PTPRG: variants seen among roughly 807,000 people sequenced by gnomAD.
PTPRG encodes the protein protein tyrosine phosphatase receptor type G.
In PTPRG, 102 loss-of-function variants were observed where a neutral mutation model predicts 165.3. The ratio of observed to expected loss-of-function variants is 0.62; its 90% CI spans 0.53 to 0.73. The LOEUF (loss-of-function observed/expected upper bound fraction) is 0.73. Among genes scored for constraint, PTPRG ranks in the 30% least tolerant of loss-of-function variants. The pLI, the probability that PTPRG is intolerant of heterozygous loss-of-function variation, is 0.00. For synonymous variants in PTPRG, 675 were observed against 669.5 expected (o/e 1.01, Z -0.13); for missense variants, 1,866 against 1,861.4 (o/e 1.00, Z -0.05).
At chr3:62,080,371 C>G (rs887515318) in intron 5 of PTPRG, among the ~76,000 whole-genome samples, 2 of 152,086 alleles carry the variant, frequency 1.3e-5, no homozygotes, top group African/African-American at 4.8e-5. Flanking sequence ...CCACTGCGCC[C>G]AGCCCCCTTC....
chr3:61,753,163 T>A (rs2033509661), intron 2 of PTPRG, among the ~76,000 whole-genome samples: 1 of 152,192 alleles, frequency 6.6e-6, no homozygotes, highest in South Asian at 2.1e-4. Context: ...AATATCTGAT[T>A]TTGACATGAA....
rs188690472 is a variant in PTPRG, at chr3:61,664,787, C to T, written c.86-84091C>T. On this transcript the variant is annotated intron_variant, in intron 1 of 29. Transcript: ENST00000474889. ...CGGAGGTTGCGGTGAGCCGAGATCG[C>T]GCCATTGCACTCCAGCCTGGGCGAC... Among the ~76,000 whole-genome samples, 142 of 152,146 alleles carry T rather than the reference C, an allele frequency of 9.3e-4. 1 individual carries two copies. The highest frequency in any genetic ancestry group is 3.4e-3 in the Middle Eastern group (1 of 294).
rs903253712 is a variant in PTPRG at position 61,774,869 on chromosome 3, C to T, written c.190+25887C>T. On this transcript the variant is annotated intron_variant, in intron 2 of 29. Transcript: ENST00000474889. Reference sequence around the variant, plus strand: ...AAGATGGGAATGGACGACTGAGTGACCCAGAGATTGGACTGTGTTTGACCT... The same window carrying T: ...AAGATGGGAATGGACGACTGAGTGATCCAGAGATTGGACTGTGTTTGACCT... Among the ~76,000 whole-genome samples, 5 of 152,226 alleles carry T rather than the reference C, an allele frequency of 3.3e-5. No homozygotes were observed. The East Asian group carries it at 7.7e-4, about 24-fold the overall frequency.
rs149041037 is a variant in PTPRG, at chr3:61,840,782, G to GTTTTTT, written c.190+91814_190+91819dup. Among the ~76,000 whole-genome samples, 197 of 120,084 alleles carry GTTTTTT rather than the reference G, an allele frequency of 1.6e-3. 2 individuals carry two copies. Among genetic ancestry groups the GTTTTTT allele is most frequent in the South Asian group, 3.3e-3 (11 of 3,364 alleles). 78.8% of individuals were successfully genotyped at this position (120,084 alleles called of 152,430 possible). A position where few individuals can be genotyped will look rare whatever the true frequency, so the allele number is the denominator to read the frequency against. On this transcript the variant is annotated intron_variant, in intron 2 of 29. Transcript: ENST00000474889. ...CAGATGGAGTTTTTTTTGTTTGTTTGTTTTTTTTTTTTTTTTTTTGAGATG... is the reference window on the plus strand; with the variant it reads ...CAGATGGAGTTTTTTTTGTTTGTTTGTTTTTTTTTTTTTTTTTTTTTTTTTGAGATG...
At chr3:62,091,595 T>A (rs1324457661) in intron 5 of PTPRG, among the ~76,000 whole-genome samples, 13 of 152,148 alleles carry the variant, frequency 8.5e-5, no homozygotes, top group Admixed American at 8.5e-4. Context: ...AGGGTCAAAG[T>A]CATAAAACGG....
chr3:61,797,339 C>A (rs887083943), intron 2 of PTPRG, among the ~76,000 whole-genome samples: 1 of 152,094 alleles, frequency 6.6e-6, no homozygotes, highest in African/African-American at 2.4e-5. Flanking sequence ...TTGAACATCA[C>A]TGAGATTGGG....
chr3:61,935,828 G>A (rs2039472130), intron 2 of PTPRG, among the ~76,000 whole-genome samples: 1 of 151,170 alleles, frequency 6.6e-6, no homozygotes, highest in African/African-American at 2.4e-5. Flanking sequence ...GTCTGTCCTG[G>A]GCATTGTTCT....
chr3:62,192,993 A>C (rs1699876729), intron 9 of PTPRG, among the ~76,000 whole-genome samples: 1 of 152,100 alleles, frequency 6.6e-6, no homozygotes, highest in East Asian at 1.9e-4. Context: ...TTATATTTTC[A>C]ATTTCCCCAC....
intron 2 of PTPRG, among the ~76,000 whole-genome samples, chr3:61,810,144 G>A (rs74327881): frequency 1.6e-4 from 25 of 152,310 alleles, no homozygotes; most frequent in Non-Finnish European, 3.1e-4. Flanking sequence ...CATGTTGGAG[G>A]CCAAAGTGTA....
At chr3:61,908,153 G>T (rs1441825280) in intron 2 of PTPRG, among the ~76,000 whole-genome samples, 1 of 143,268 alleles carries the variant, frequency 7.0e-6, no homozygotes, top group African/African-American at 2.6e-5. Flanking sequence ...AAAAAAATCG[G>T]CCGGGCTCAC....
At chr3:61,929,485 A>G (rs141464017) in intron 2 of PTPRG, among the ~76,000 whole-genome samples, 88 of 152,328 alleles carry the variant, frequency 5.8e-4, no homozygotes, top group African/African-American at 2.1e-3. Flanking sequence ...TGAGTAGCCC[A>G]TTCTAGTTCT....
At chr3:61,621,051 A>ATATATATATATGTG in intron 1 of PTPRG, among the ~76,000 whole-genome samples, 12 of 117,994 alleles carry the variant, frequency 1.0e-4, no homozygotes, top group African/African-American at 3.6e-4. Flanking sequence ...ATATATATAT[A>ATATATATATATGTG]TGTGTGTGTG....
At chr3:61,962,427 C>T (rs2040174718) in intron 2 of PTPRG, among the ~76,000 whole-genome samples, 1 of 152,170 alleles carries the variant, frequency 6.6e-6, no homozygotes, top group Non-Finnish European at 1.5e-5. Context: ...TTGAGTACAA[C>T]TTTGCTCATC....
chr3:61,962,356 A>G (rs545921096), intron 2 of PTPRG, among the ~76,000 whole-genome samples: 1 of 152,312 alleles, frequency 6.6e-6, no homozygotes, highest in Non-Finnish European at 1.5e-5. Context: ...AGGTTCACCT[A>G]GTTGTGAAAT....
intron 1 of PTPRG, among the ~76,000 whole-genome samples, chr3:61,625,329 AT>A (rs984858036): frequency 6.6e-6 from 1 of 152,132 alleles, no homozygotes; most frequent in Admixed American, 6.5e-5. Flanking sequence ...TATAAAAAAA[AT>A]CAAATACTTC....
At position 61,914,139 on chromosome 3, in the gene PTPRG, C is replaced by T. The variant is rs74526099; in HGVS notation, c.191-75486C>T. On this transcript the variant is annotated intron_variant, in intron 2 of 29. Coordinates refer to ENST00000474889, the MANE Select transcript of PTPRG (RefSeq NM_002841.4). Reference sequence around the variant, plus strand: ...CATCTACAGTTCAGTGGTCCTAGAACTGATGTCATGATTAGGTCAACATTA... The same window carrying T: ...CATCTACAGTTCAGTGGTCCTAGAATTGATGTCATGATTAGGTCAACATTA... Among the ~76,000 whole-genome samples the T allele has an allele frequency of 2.0e-3, 297 of 152,290 alleles. 1 individual carries two copies. The highest frequency in any genetic ancestry group is 6.8e-3 in the East Asian group (35 of 5,184).
chr3:61,842,867 G>A (rs575707289), intron 2 of PTPRG, among the ~76,000 whole-genome samples: 1 of 152,130 alleles, frequency 6.6e-6, no homozygotes, highest in East Asian at 1.9e-4. Context: ...CACCATACCT[G>A]TGCTACTAAC....
intron 4 of PTPRG, among the ~76,000 whole-genome samples, chr3:62,055,061 A>G (rs950651180): frequency 2.6e-5 from 4 of 152,190 alleles, no homozygotes; most frequent in Non-Finnish European, 4.4e-5. Context: ...TTATATCTCA[A>G]GTTTTCCTGC....
Position 62,222,502 on chromosome 3 carries a change from T to A in PTPRG, c.2288+3519T>A, listed in dbSNP as rs1391036134. 6.6e-6 allele frequency among the ~76,000 whole-genome samples: 1 copy of A among 152,238 alleles called. No homozygotes were observed. Among genetic ancestry groups the A allele is most frequent in the African/African-American group, 2.4e-5 (1 of 41,468 alleles). On this transcript the variant is annotated intron_variant, in intron 13 of 29. Coordinates refer to ENST00000474889, the MANE Select transcript of PTPRG (RefSeq NM_002841.4). The surrounding 1 kb of genome is among the most constrained non-coding windows in gnomAD (Gnocchi z 4.5). Reference sequence around the variant, plus strand: ...CATGGCATCTCTTATTACTGACTTCTGTCATTTGTCCATACCCCGGAGTCG... The same window carrying A: ...CATGGCATCTCTTATTACTGACTTCAGTCATTTGTCCATACCCCGGAGTCG...
Sources: gnomAD v4.1 joint callset for allele counts (sites outside exome capture counted in the v4.1 genomes callset) on GRCh38, gnomAD v4.1.1 for gene constraint, Gnocchi (gnomAD v3.1) non-coding constraint, MANE v1.5 for transcripts, NCBI Gene and HGNC (gene_info 2026-07-23, HGNC 2026-07-21) for gene names.